The following MGAT4A variants were observed in gnomAD, a reference collection of about 807,000 sequenced individuals.
MGAT4A encodes N-acetylglucosaminyltransferase IVa.
A neutral mutation model predicts 74.1 loss-of-function variants in MGAT4A; 33 were observed. The ratio of observed to expected loss-of-function variants is 0.45; its 90% CI spans 0.34 to 0.60. The LOEUF (loss-of-function observed/expected upper bound fraction) is 0.60. Among genes scored for constraint, MGAT4A ranks in the 20% least tolerant of loss-of-function variants. The pLI is 0.02. For missense variants in MGAT4A, 479 were observed against 628.3 expected (o/e 0.76, Z 2.54); for synonymous variants, 198 against 210.4 (o/e 0.94, Z 0.51).
In MGAT4A at chr2:98,623,593, A is replaced by C; in HGVS notation, c.*1973T>G. 1 of 985,320 alleles carries C rather than the reference A, an allele frequency of 1.0e-6. No individual in the cohort carries two copies. The highest frequency in any genetic ancestry group is 1.2e-6 in the Non-Finnish European group (1 of 829,808). 61.0% of individuals were successfully genotyped at this position (985,320 alleles called of 1,614,324 possible). ...AATTTGAGAAGAAAAAAATTCAAGA[A>C]AGTGAAAAGTAAATTTAAAACATCC... is the stretch of plus-strand genomic sequence containing the variant. On this transcript the variant is annotated 3_prime_UTR_variant, in exon 16 of 16. Coordinates refer to ENST00000393487, the MANE Select transcript of MGAT4A (RefSeq NM_012214.3).
chr2:98,687,895 C>T (rs1332980180), intron 2 of MGAT4A, among the ~76,000 whole-genome samples: 1 of 152,130 alleles, frequency 6.6e-6, no homozygotes, highest in Non-Finnish European at 1.5e-5. Flanking sequence ...TGAAAGGGGC[C>T]TAGTGAACCA....
chr2:98,645,425 T>C lies in MGAT4A; in HGVS notation c.889+3A>G, dbSNP rs1286849059. ...AAGTAGGTAAGTGTGACACTTTTCT[T>C]ACCAATGAAGCCCAGCTGGGAAAAC... is the stretch of plus-strand genomic sequence containing the variant. On this transcript the variant is annotated splice_donor_region_variant and intron_variant, in intron 9 of 15. Transcript: ENST00000393487. The C allele has an allele frequency of 6.4e-7, 1 of 1,556,454 alleles. No homozygotes were observed. Among genetic ancestry groups the C allele is most frequent in the Admixed American group, 2.3e-5 (1 of 43,684 alleles).
chr2:98,647,598 C>T lies in MGAT4A; in HGVS notation c.775-2056G>A, dbSNP rs184292815. 1.6e-3 allele frequency among the ~76,000 whole-genome samples: 246 copies of T among 152,306 alleles called. 1 individual carries two copies. Among genetic ancestry groups the T allele is most frequent in the Non-Finnish European group, 1.6e-3 (106 of 68,030 alleles). ...CCTCTCAAAGTGTTGGGATTACAGGCGTGAGCCACTGCGCCCGGCCCATAA... is the reference window on the plus strand; with the variant it reads ...CCTCTCAAAGTGTTGGGATTACAGGTGTGAGCCACTGCGCCCGGCCCATAA... On this transcript the variant is annotated intron_variant, in intron 8 of 15. Transcript: ENST00000393487.
chr2:98,647,378 A>C (rs139146594), intron 8 of MGAT4A, among the ~76,000 whole-genome samples: 1 of 152,102 alleles, frequency 6.6e-6, no homozygotes, highest in South Asian at 2.1e-4. Context: ...GCAGTGGTAC[A>C]ATCTCGGCTC....
intron 2 of MGAT4A, among the ~76,000 whole-genome samples, chr2:98,722,240 A>C (rs1328715016): frequency 6.6e-6 from 1 of 152,238 alleles, no homozygotes; most frequent in Non-Finnish European, 1.5e-5. Flanking sequence ...CAAAACGTAG[A>C]AACAACCCAA....
At chr2:98,710,066 A>G (rs918524358) in intron 2 of MGAT4A, among the ~76,000 whole-genome samples, 2 of 152,218 alleles carry the variant, frequency 1.3e-5, no homozygotes, top group African/African-American at 4.8e-5. Context: ...CCATTTCCCA[A>G]AAACAACAGG....
intron 2 of MGAT4A, among the ~76,000 whole-genome samples, chr2:98,725,010 G>A (rs1299082253): frequency 6.6e-6 from 1 of 152,230 alleles, no homozygotes; most frequent in Non-Finnish European, 1.5e-5. Flanking sequence ...AGGAGGCAGA[G>A]GTTGCAGTGA....
chr2:98,645,547 A>G lies in MGAT4A; in HGVS notation c.775-5T>C. On this transcript the variant is annotated splice_region_variant and splice_polypyrimidine_tract_variant and intron_variant, in intron 8 of 15. Transcript: ENST00000393487. The stretch of plus-strand genomic sequence containing the variant: ...GACAATAATATCATCTTCAAGCTAG[A>G]GAAAATTGAACAATCATATTAATAC... 1 of 1,540,226 alleles carries G rather than the reference A, an allele frequency of 6.5e-7. No homozygotes were observed. The highest frequency in any genetic ancestry group is 8.8e-7 in the Non-Finnish European group (1 of 1,142,798).
intron 2 of MGAT4A, among the ~76,000 whole-genome samples, chr2:98,709,322 A>G (rs952288953): frequency 9.9e-5 from 15 of 152,162 alleles, no homozygotes; most frequent in African/African-American, 3.4e-4. Context: ...TGGAGGTCCA[A>G]TCGGTTCTAT....
At position 98,645,413 on chromosome 2, in the gene MGAT4A, T is replaced by G. The variant is rs1199512105; in HGVS notation, c.889+15A>C. 3 of 1,509,756 alleles carry G rather than the reference T, an allele frequency of 2.0e-6. No individual in the cohort carries two copies. The African/African-American group carries it at 4.3e-5, about 22-fold the overall frequency. 93.5% of individuals were successfully genotyped at this position (1,509,756 alleles called of 1,614,324 possible). A position where few individuals can be genotyped will look rare whatever the true frequency, so the allele number is the denominator to read the frequency against. On this transcript the variant is annotated intron_variant, in intron 9 of 15. Transcript: ENST00000393487. ...GTTATTTATGAAAAGTAGGTAAGTGTGACACTTTTCTTACCAATGAAGCCC... is the reference window on the plus strand; with the variant it reads ...GTTATTTATGAAAAGTAGGTAAGTGGGACACTTTTCTTACCAATGAAGCCC...
chr2:98,727,446 T>C (rs1266093488), intron 1 of MGAT4A, among the ~76,000 whole-genome samples: 4 of 152,220 alleles, frequency 2.6e-5, no homozygotes, highest in Non-Finnish European at 5.9e-5. Flanking sequence ...AACCAAACTT[T>C]TTTGGTTAAT....
chr2:98,670,985 C>T (rs1701903824), intron 4 of MGAT4A, among the ~76,000 whole-genome samples: 3 of 152,198 alleles, frequency 2.0e-5, no homozygotes, highest in South Asian at 4.1e-4. Flanking sequence ...CAAATTTAAT[C>T]TATAAACCTC....
intron 2 of MGAT4A, among the ~76,000 whole-genome samples, chr2:98,696,883 T>G (rs535885145): frequency 6.6e-6 from 1 of 152,348 alleles, no homozygotes; most frequent in African/African-American, 2.4e-5. Flanking sequence ...TTTCTAAGGT[T>G]TATTGATATC....
intron 8 of MGAT4A, among the ~76,000 whole-genome samples, chr2:98,646,205 T>G (rs1048613944): frequency 2.6e-5 from 4 of 151,816 alleles, no homozygotes; most frequent in African/African-American, 9.7e-5. Flanking sequence ...AACGTGTGAT[T>G]TTTTTTTCCT....
chr2:98,655,075 T>C (rs1019105154), intron 8 of MGAT4A, among the ~76,000 whole-genome samples: 3 of 152,204 alleles, frequency 2.0e-5, no homozygotes, highest in Admixed American at 6.5e-5. Flanking sequence ...AATTAGTTCA[T>C]TGTAAGACCA....
In MGAT4A at chr2:98,625,017, T is replaced by C. The variant is rs555692477; in HGVS notation, c.*549A>G. On this transcript the variant is annotated 3_prime_UTR_variant, in exon 16 of 16. Coordinates refer to ENST00000393487, the MANE Select transcript of MGAT4A (RefSeq NM_012214.3). ...ATGTTTGCATTTCCAAAGAAAAATA[T>C]AGAAAGAACTTAAAAAAGCAAGGAA... 54 of 983,824 alleles carry C rather than the reference T, an allele frequency of 5.5e-5. No homozygotes were observed. Among genetic ancestry groups the C allele is most frequent in the East Asian group, 1.1e-4 (1 of 8,808 alleles). 60.9% of individuals were successfully genotyped at this position (983,824 alleles called of 1,614,324 possible).
intron 10 of MGAT4A, among the ~76,000 whole-genome samples, chr2:98,643,133 CAG>C (rs1701436379): frequency 6.6e-6 from 1 of 151,626 alleles, no homozygotes; most frequent in Non-Finnish European, 1.5e-5. Flanking sequence ...AGTTTTTTTT[CAG>C]AGACACAATT....
intron 13 of MGAT4A, among the ~76,000 whole-genome samples, chr2:98,635,844 T>G (rs1310685924): frequency 6.6e-6 from 1 of 151,238 alleles, no homozygotes; most frequent in Non-Finnish European, 1.5e-5. Flanking sequence ...AAAAATTAGC[T>G]GGGCATAGTG....
At position 98,623,698 on chromosome 2, in the gene MGAT4A, G is replaced by GT. The variant is rs1468351820; in HGVS notation, c.*1867dup. Reference sequence around the variant, plus strand: ...GTGATTGACTTTTCAATCAAGAAAAGTAACTAAAAATTATAACAACATGGA... The same window carrying GT: ...GTGATTGACTTTTCAATCAAGAAAAGTTAACTAAAAATTATAACAACATGGA... On this transcript the variant is annotated 3_prime_UTR_variant, in exon 16 of 16. Coordinates refer to ENST00000393487, the MANE Select transcript of MGAT4A (RefSeq NM_012214.3). The GT allele has an allele frequency of 1.0e-6, 1 of 985,360 alleles. No homozygotes were observed. The allele number at this position is 985,360 out of a possible 1,614,324, so 61.0% of individuals were successfully genotyped here.
Sources: allele counts gnomAD v4.1 joint callset (sites outside exome capture counted in the v4.1 genomes callset), GRCh38; gene constraint gnomAD v4.1.1; transcripts MANE v1.5; gene names NCBI Gene and HGNC (gene_info 2026-07-23, HGNC 2026-07-21).